CDH13: variants seen among roughly 807,000 people sequenced by gnomAD.
The protein encoded by CDH13 is cadherin-13.
A neutral mutation model predicts 63.8 loss-of-function variants in CDH13; 24 were observed. The ratio of observed to expected loss-of-function variants is 0.38; its 90% CI spans 0.27 to 0.53. CDH13 has a LOEUF of 0.53. Among genes scored for constraint, CDH13 ranks in the 20% least tolerant of loss-of-function variants. The pLI, the probability that CDH13 is intolerant of heterozygous loss-of-function variation, is 0.85. For synonymous variants in CDH13, 503 were observed against 355.3 expected, an observed-to-expected ratio of 1.42 and a Z score of -4.67; for missense variants, 1,049 against 903.1, an observed-to-expected ratio of 1.16 and a Z score of -2.07.
chr16:82,728,656 C>G (rs2033232113), intron 1 of CDH13, among the ~76,000 whole-genome samples: 1 of 152,226 alleles, frequency 6.6e-6, no homozygotes, highest in Middle Eastern at 3.4e-3. Context: ...TTGATGGTTT[C>G]TGGCTGATCA....
intron 10 of CDH13, chr16:83,729,094 C>G (rs149580824): frequency 1.3e-5 from 2 of 152,140 alleles, no homozygotes. Context: ...CTCATGTAAC[C>G]TTAACTTCCT....
chr16:82,872,515 A>G (rs142739478), intron 2 of CDH13, among the ~76,000 whole-genome samples: 1 of 152,366 alleles, frequency 6.6e-6, no homozygotes, highest in East Asian at 1.9e-4. Context: ...ATCAAAATAT[A>G]AATTGGGAAA....
At chr16:83,352,525 A>G (rs752293530) in intron 6 of CDH13, among the ~76,000 whole-genome samples, 32 of 152,242 alleles carry the variant, frequency 2.1e-4, no homozygotes, top group Admixed American at 7.9e-4. Context: ...ACTCATGGTT[A>G]TCACTACGTA....
intron 1 of CDH13, chr16:82,705,255 C>T (rs1345179522): frequency 4.6e-6 from 2 of 436,784 alleles, no homozygotes; most frequent in Non-Finnish European, 9.1e-6. Context: ...GGCTGCACTT[C>T]AAGAGACCAC....
At chr16:82,952,374 C>A (rs1470783955) in intron 2 of CDH13, among the ~76,000 whole-genome samples, 1 of 152,176 alleles carries the variant, frequency 6.6e-6, no homozygotes, top group East Asian at 1.9e-4. Flanking sequence ...TGAGACAACA[C>A]TTGGAAAGTA....
intron 1 of CDH13, among the ~76,000 whole-genome samples, chr16:82,672,768 TACACAC>T (rs58819198): frequency 0.02 from 2,826 of 144,638 alleles, 56 homozygotes; most frequent in African/African-American, 0.044. Flanking sequence ...TATATATGTG[TACACAC>T]ACACACACAC....
At chr16:82,796,881 C>T (rs537228583) in intron 1 of CDH13, among the ~76,000 whole-genome samples, 2 of 152,206 alleles carry the variant, frequency 1.3e-5, no homozygotes, top group Non-Finnish European at 2.9e-5. Flanking sequence ...ACGGCTGCAC[C>T]TGTGGACCTA....
intron 7 of CDH13, among the ~76,000 whole-genome samples, chr16:83,556,016 T>C (rs1332927279): frequency 6.6e-6 from 1 of 152,206 alleles, no homozygotes; most frequent in Non-Finnish European, 1.5e-5. Flanking sequence ...ACTGTTTCAC[T>C]CCCTTTCCCA....
chr16:82,715,418 C>T (rs560621612), intron 1 of CDH13, among the ~76,000 whole-genome samples: 22 of 152,186 alleles, frequency 1.4e-4, no homozygotes, highest in South Asian at 6.2e-4. Context: ...ACCTTATTAA[C>T]GGGTAATGAA....
rs538771253 is a variant in CDH13, at chr16:83,087,721, G to A, written c.367-37664G>A. Among the ~76,000 whole-genome samples, 523 of 136,790 alleles carry A rather than the reference G, an allele frequency of 3.8e-3. 6 individuals are homozygous for A. Among genetic ancestry groups the A allele is most frequent in the African/African-American group, 0.014 (495 of 36,342 alleles). The allele number at this position is 136,790 out of a possible 152,430, so 89.7% of individuals were successfully genotyped here. A position where few individuals can be genotyped will look rare whatever the true frequency, so the allele number is the denominator to read the frequency against. On this transcript the variant is annotated intron_variant, in intron 3 of 13. Transcript: ENST00000567109. ...AAGCCTAGCACCAAAGTATTAGCAA[G>A]TTCCTGTTATTTATTAATGTTCTCA...
At chr16:83,543,223 T>C (rs1026910021) in intron 7 of CDH13, among the ~76,000 whole-genome samples, 1 of 152,244 alleles carries the variant, frequency 6.6e-6, no homozygotes, top group African/African-American at 2.4e-5. Flanking sequence ...AGAGGCTTAA[T>C]GTGTGACATT....
chr16:83,670,735 G>C, intron 8 of CDH13, 55 bp from the exon 9 acceptor site: 1 of 1,505,280 alleles, frequency 6.6e-7, no homozygotes. Flanking sequence ...AAAGCATGTA[G>C]TAAATGACTA....
Position 83,780,083 on chromosome 16 carries a change from C to G in CDH13, c.1797C>G (p.Leu599=). The G allele has an allele frequency of 3.1e-6, 5 of 1,613,794 alleles. No homozygotes were observed. Among genetic ancestry groups the G allele is most frequent in the Non-Finnish European group, 4.2e-6 (5 of 1,179,764 alleles). ...AAGTCTGTGATGATGCCAAAAACCT[C>G]AGTGTAGTCATTTTGGGAGCATCAG... is the stretch of plus-strand genomic sequence containing the variant. ...VAEVCDDAKN[L]SVVILGASDK... is the part of the protein sequence containing the mutation. The change falls in exon 12 of 14, where the codon CTC becomes CTG. Residue 599 remains leucine, a synonymous_variant. Transcript: ENST00000567109.
intron 2 of CDH13, among the ~76,000 whole-genome samples, chr16:82,882,794 A>C (rs1326381427): frequency 6.6e-6 from 1 of 152,136 alleles, no homozygotes; most frequent in Non-Finnish European, 1.5e-5. Context: ...GATTTTTACC[A>C]AGCCATTTGG....
intron 4 of CDH13, among the ~76,000 whole-genome samples, chr16:83,149,305 C>T (rs1250077787): frequency 1.3e-5 from 2 of 152,198 alleles, no homozygotes; most frequent in African/African-American, 2.4e-5. Context: ...CACATTTATA[C>T]TCATTTGATC....
intron 2 of CDH13, among the ~76,000 whole-genome samples, chr16:82,864,264 A>T (rs973982544): frequency 6.6e-6 from 1 of 152,220 alleles, no homozygotes; most frequent in African/African-American, 2.4e-5. Context: ...ACTCCTGTCC[A>T]TGTTGACAAA....
intron 1 of CDH13, among the ~76,000 whole-genome samples, chr16:82,683,500 C>T (rs753562065): frequency 1.3e-5 from 2 of 152,200 alleles, no homozygotes; most frequent in Non-Finnish European, 2.9e-5. Context: ...ACCACTGAGC[C>T]TTCTCTTCCC....
chr16:83,493,851 G>A (rs993902818), intron 7 of CDH13, among the ~76,000 whole-genome samples: 1 of 152,244 alleles, frequency 6.6e-6, no homozygotes, highest in Non-Finnish European at 1.5e-5. Flanking sequence ...CAGTGGCAAA[G>A]TTCAGGCGTT....
intron 6 of CDH13, among the ~76,000 whole-genome samples, chr16:83,381,953 C>A (rs2091575323): frequency 6.6e-6 from 1 of 152,184 alleles, no homozygotes; most frequent in Non-Finnish European, 1.5e-5. Context: ...CCCTCACTTA[C>A]CGAGGGCCTA....
Sources: gnomAD v4.1 joint callset for allele counts (sites outside exome capture counted in the v4.1 genomes callset) on GRCh38, gnomAD v4.1.1 for gene constraint, MANE v1.5 for transcripts, NCBI Gene and HGNC (gene_info 2026-07-23, HGNC 2026-07-21) for gene names.